The following FARS2 variants were observed in gnomAD, a reference collection of about 807,000 sequenced individuals.
FARS2 encodes the protein phenylalanine--tRNA ligase, mitochondrial.
A neutral mutation model predicts 46.4 loss-of-function variants in FARS2; 40 were observed. The ratio of observed to expected loss-of-function variants is 0.86; its 90% CI spans 0.67 to 1.12. The LOEUF is 1.12. FARS2 is among the 50% of genes most tolerant of loss of function. The pLI, the probability that FARS2 is intolerant of heterozygous loss-of-function variation, is 0.00. For missense variants in FARS2, 513 were observed against 567.9 expected (o/e 0.90, Z 0.98); for synonymous variants, 234 against 214.9 (o/e 1.09, Z -0.78).
At chr6:5,421,759 C>T (rs1429802924) in intron 3 of FARS2, among the ~76,000 whole-genome samples, 1 of 152,204 alleles carries the variant, frequency 6.6e-6, no homozygotes, top group Non-Finnish European at 1.5e-5. Flanking sequence ...ACAAGTTCCT[C>T]ATCTCCATCT....
At chr6:5,731,352 T>C (rs1351821496) in intron 6 of FARS2, among the ~76,000 whole-genome samples, 2 of 152,058 alleles carry the variant, frequency 1.3e-5, no homozygotes, top group African/African-American at 4.8e-5. Flanking sequence ...TCTCTCTCCA[T>C]ATAGCCCTCC....
chr6:5,490,401 G>GT (rs1320944140), intron 4 of FARS2, among the ~76,000 whole-genome samples: 6 of 152,076 alleles, frequency 3.9e-5, no homozygotes. Flanking sequence ...CATTTCTCTT[G>GT]TTTCAATACT....
chr6:5,695,521 A>G (rs1354840201), intron 6 of FARS2, among the ~76,000 whole-genome samples: 5 of 152,250 alleles, frequency 3.3e-5, no homozygotes, highest in Non-Finnish European at 5.9e-5. Context: ...TTGTAACCAC[A>G]TTATTTTACT....
At chr6:5,649,912 C>G (rs868829816) in intron 6 of FARS2, among the ~76,000 whole-genome samples, 13 of 152,166 alleles carry the variant, frequency 8.5e-5, no homozygotes, top group Admixed American at 2.6e-4. Flanking sequence ...TTCTCATTGC[C>G]TTTTTGATAA....
intron 4 of FARS2, among the ~76,000 whole-genome samples, chr6:5,460,909 C>T (rs1765205555): frequency 6.6e-6 from 1 of 152,052 alleles, no homozygotes; most frequent in Non-Finnish European, 1.5e-5. Flanking sequence ...TACAGAAAGG[C>T]AGATGGGAGT....
chr6:5,476,146 C>T (rs1766108599), intron 4 of FARS2, among the ~76,000 whole-genome samples: 1 of 152,112 alleles, frequency 6.6e-6, no homozygotes, highest in African/African-American at 2.4e-5. Context: ...AGGTCTGGGT[C>T]TGCTGAGTAA....
Position 5,613,330 on chromosome 6 carries a change from A to G in FARS2, c.1217+10A>G. On this transcript the variant is annotated intron_variant, in intron 6 of 6. Coordinates refer to ENST00000274680, the MANE Select transcript of FARS2 (RefSeq NM_006567.5). ...AGTTTGTACATCCAAAGTAAGTGAAAAGCTTTCTGATTTTACCCTTGACTA... is the reference window on the plus strand; with the variant it reads ...AGTTTGTACATCCAAAGTAAGTGAAGAGCTTTCTGATTTTACCCTTGACTA... 1 of 1,609,162 alleles carries G rather than the reference A, an allele frequency of 6.2e-7. No individual in the cohort carries two copies.
At chr6:5,656,730 G>A (rs1777625737) in intron 6 of FARS2, among the ~76,000 whole-genome samples, 1 of 152,088 alleles carries the variant, frequency 6.6e-6, no homozygotes, top group East Asian at 1.9e-4. Flanking sequence ...TTCGTTTTTA[G>A]TAGAGACAGG....
intron 1 of FARS2, among the ~76,000 whole-genome samples, chr6:5,273,439 A>G (rs1186020016): frequency 2.0e-5 from 3 of 151,990 alleles, no homozygotes. Flanking sequence ...TTTTTCATGT[A>G]TCTACTGGCC....
Position 5,265,086 on chromosome 6 carries a change from G to A in FARS2, c.-22+3426G>A, listed in dbSNP as rs184563945. Among the ~76,000 whole-genome samples the A allele has an allele frequency of 1.6e-4, 24 of 151,756 alleles. No individual in the cohort carries two copies. In the East Asian group the frequency reaches 3.1e-3, roughly 20 times the overall value. ...AGAGCTCAGATTATAGCTGTGAGTC[G>A]TGGCACTTGGCCAATAATTTCTTTT... On this transcript the variant is annotated intron_variant, in intron 1 of 6. Transcript: ENST00000274680.
intron 1 of FARS2, among the ~76,000 whole-genome samples, chr6:5,359,370 C>A (rs1758159227): frequency 6.6e-6 from 1 of 152,128 alleles, no homozygotes; most frequent in Admixed American, 6.6e-5. Flanking sequence ...GGGAAGATGG[C>A]ATGGTATATT....
chr6:5,503,446 G>T (rs1767928156), intron 4 of FARS2, among the ~76,000 whole-genome samples: 1 of 150,820 alleles, frequency 6.6e-6, no homozygotes, highest in South Asian at 2.1e-4. Context: ...AACTGTGTGA[G>T]ATGATGGCTA....
chr6:5,498,849 A>G (rs1054667048), intron 4 of FARS2, among the ~76,000 whole-genome samples: 1 of 152,266 alleles, frequency 6.6e-6, no homozygotes, highest in Non-Finnish European at 1.5e-5. Context: ...TAAATTAAGC[A>G]GGATGCTAGA....
At chr6:5,625,970 G>C (rs1776011980) in intron 6 of FARS2, among the ~76,000 whole-genome samples, 1 of 152,080 alleles carries the variant, frequency 6.6e-6, no homozygotes, top group Non-Finnish European at 1.5e-5. Context: ...CTGGTTTTTT[G>C]CTTTGTTTCT....
intron 6 of FARS2, among the ~76,000 whole-genome samples, chr6:5,684,933 C>G (rs1025558950): frequency 3.3e-5 from 5 of 152,192 alleles, no homozygotes; most frequent in African/African-American, 1.2e-4. Flanking sequence ...TGCCTTCCCC[C>G]TTAGCAATCA....
chr6:5,512,335 T>C (rs1768509954), intron 4 of FARS2, among the ~76,000 whole-genome samples: 1 of 152,126 alleles, frequency 6.6e-6, no homozygotes, highest in African/African-American at 2.4e-5. Flanking sequence ...GTGCTACCTC[T>C]ATGCTACCTC....
chr6:5,503,822 C>G (rs1447144902), intron 4 of FARS2, among the ~76,000 whole-genome samples: 2 of 152,066 alleles, frequency 1.3e-5, no homozygotes, highest in African/African-American at 4.8e-5. Flanking sequence ...CTCTCTTTGC[C>G]CCCGTCATTG....
At chr6:5,747,431 G>A (rs1361548333) in intron 6 of FARS2, among the ~76,000 whole-genome samples, 9 of 152,272 alleles carry the variant, frequency 5.9e-5, no homozygotes, top group Non-Finnish European at 1.0e-4. Context: ...GAGGTGGTGA[G>A]AGGTGCTCAG....
rs1449854175 is a variant in FARS2 at position 5,343,930 on chromosome 6, A to T, written c.-21-24620A>T. On this transcript the variant is annotated intron_variant, in intron 1 of 6. Coordinates refer to ENST00000274680, the MANE Select transcript of FARS2 (RefSeq NM_006567.5). The surrounding 1 kb of genome is among the most constrained non-coding windows in gnomAD (Gnocchi z 4.5). ...CCACAGCCATAAGTGGTCCTTGTGC[A>T]TGGCAATGGCTAAGAATGGGCACTG... 6.6e-6 allele frequency among the ~76,000 whole-genome samples: 1 copy of T among 152,234 alleles called. No homozygotes were observed. The highest frequency in any genetic ancestry group is 1.5e-5 in the Non-Finnish European group (1 of 68,038).
Sources: allele counts gnomAD v4.1 joint callset (sites outside exome capture counted in the v4.1 genomes callset), GRCh38; gene constraint gnomAD v4.1.1; non-coding constraint Gnocchi (gnomAD v3.1); transcripts MANE v1.5; gene names NCBI Gene and HGNC (gene_info 2026-07-23, HGNC 2026-07-21).